MAT1A: variants seen among roughly 807,000 people sequenced by gnomAD.
MAT1A encodes the protein methionine adenosyltransferase 1A.
In MAT1A, 19 loss-of-function variants were observed where a neutral mutation model predicts 44.0. That is an observed-to-expected ratio of 0.43 (90% CI 0.30 to 0.63). MAT1A has a LOEUF of 0.63. MAT1A is among the 30% of genes least tolerant of loss of function. The pLI is 0.12. For synonymous variants in MAT1A, 205 were observed against 205.6 expected (o/e 1.00, Z 0.03); for missense variants, 397 against 531.0 (o/e 0.75, Z 2.48).
intron 5 of MAT1A, 41 bp downstream of exon 5, chr10:80,280,132 G>C (rs763875728): frequency 1.1e-5 from 18 of 1,610,764 alleles, no homozygotes; most frequent in South Asian, 3.3e-5. Context: ...GGGTATTAAA[G>C]CTTCTGTCTA....
intron 2 of MAT1A, 116 bp from the exon 3 acceptor site, chr10:80,284,154 A>G (rs2132708689): frequency 1.5e-6 from 2 of 1,349,832 alleles, no homozygotes; most frequent in South Asian, 2.5e-5. Context: ...CCTTACGAGG[A>G]ATGGATTCCA....
At chr10:80,273,944 C>T in intron 8 of MAT1A, 61 bp from the exon 9 acceptor site, 1 of 1,225,650 alleles carries the variant, frequency 8.2e-7, no homozygotes, top group Non-Finnish European at 1.2e-6. Flanking sequence ...GTTTCTTTCT[C>T]CATTTCAAGG....
Position 80,289,332 on chromosome 10 carries a change from C to G in MAT1A, c.91+1G>C. 6.2e-7 allele frequency: 1 copy of G among 1,613,586 alleles called. No homozygotes were observed. Among genetic ancestry groups the G allele is most frequent in the Non-Finnish European group, 8.5e-7 (1 of 1,179,464 alleles). On this transcript the variant is annotated splice_donor_variant, in intron 1 of 8. Coordinates refer to ENST00000372213, the MANE Select transcript of MAT1A (RefSeq NM_000429.3). LOFTEE classifies it high-confidence loss of function. ...CAGTCAGTCCAAGACAGCCTACTTACCCGGGTGTCCCTCTCCCACAGACTC... is the reference window on the plus strand; with the variant it reads ...CAGTCAGTCCAAGACAGCCTACTTAGCCGGGTGTCCCTCTCCCACAGACTC...
At chr10:80,280,075 A>C in intron 5 of MAT1A, 98 bp downstream of exon 5, 2 of 1,428,618 alleles carry the variant, frequency 1.4e-6, no homozygotes, top group Middle Eastern at 1.8e-4. Flanking sequence ...CCCAGATTGA[A>C]TATTTCGATC....
In MAT1A at chr10:80,280,708, T is replaced by G; in HGVS notation, c.377A>C (p.Asn126Thr). The change falls in exon 4 of 9, where the codon AAT becomes ACT. Residue 126 changes from asparagine to threonine, a missense_variant. By Grantham distance (65) the Asn-to-Thr change is moderately conservative (BLOSUM62 0). Coordinates refer to ENST00000372213, the MANE Select transcript of MAT1A (RefSeq NM_000429.3). ...ATCTCCTGCCCCCACATCCTCCTCA[T>G]TTCTGTCCAGATGGACGCACTGGGC... ...DIAQCVHLDR[N>T]EEDVGAGDQG... 6.2e-7 allele frequency: 1 copy of G among 1,614,150 alleles called. No homozygotes were observed. The highest frequency in any genetic ancestry group is 8.5e-7 in the Non-Finnish European group (1 of 1,180,000).
At chr10:80,278,526 G>A (rs1047976412) in intron 5 of MAT1A, among the ~76,000 whole-genome samples, 1 of 152,114 alleles carries the variant, frequency 6.6e-6, no homozygotes, top group Non-Finnish European at 1.5e-5. Flanking sequence ...CCTTTCTTTG[G>A]GTGCCATCAC....
intron 5 of MAT1A, among the ~76,000 whole-genome samples, chr10:80,277,707 A>G (rs1841510176): frequency 6.6e-6 from 1 of 152,114 alleles, no homozygotes; most frequent in Non-Finnish European, 1.5e-5. Context: ...GGCCGTCTCC[A>G]CTGCTCCCCT....
chr10:80,276,498 C>G lies in MAT1A; in HGVS notation c.646G>C (p.Glu216Gln), dbSNP rs1564646038. The stretch of plus-strand genomic sequence containing the variant: ...TCCTTCAGGGCCCTGCGCATCTCCT[C>G]CAGCGTGATGTCTTCGTTGTGCTGC... ...SVQHNEDITL[E>Q]EMRRALKEQV... is the part of the protein sequence containing the mutation. The change falls in exon 6 of 9, where the codon GAG becomes CAG. Residue 216 changes from glutamate to glutamine, a missense_variant. Coordinates refer to ENST00000372213, the MANE Select transcript of MAT1A (RefSeq NM_000429.3). 6.2e-7 allele frequency: 1 copy of G among 1,614,170 alleles called. No homozygotes were observed. Among genetic ancestry groups the G allele is most frequent in the East Asian group, 2.2e-5 (1 of 44,886 alleles).
chr10:80,275,213 G>T lies in MAT1A; in HGVS notation c.769-14C>A, dbSNP rs1348830030. On this transcript the variant is annotated splice_polypyrimidine_tract_variant and intron_variant, in intron 6 of 8. Coordinates refer to ENST00000372213, the MANE Select transcript of MAT1A (RefSeq NM_000429.3). ...ACCCGCATCCCCCTGCAGAGGGAGAGAAATCAAGATAAGAAGCAGAGCCAG... is the reference window on the plus strand; with the variant it reads ...ACCCGCATCCCCCTGCAGAGGGAGATAAATCAAGATAAGAAGCAGAGCCAG... 5 of 1,608,542 alleles carry T rather than the reference G, an allele frequency of 3.1e-6. No individual in the cohort carries two copies. Among genetic ancestry groups the T allele is most frequent in the Admixed American group, 3.3e-5 (2 of 59,838 alleles).
intron 5 of MAT1A, among the ~76,000 whole-genome samples, chr10:80,277,807 C>T (rs889292440): frequency 1.1e-4 from 16 of 152,290 alleles, no homozygotes; most frequent in South Asian, 2.1e-4. Context: ...CTGAACACGG[C>T]GCTTATCTCA....
chr10:80,282,513 T>C (rs1389618738), intron 3 of MAT1A, among the ~76,000 whole-genome samples: 1 of 152,198 alleles, frequency 6.6e-6, no homozygotes, highest in Non-Finnish European at 1.5e-5. Flanking sequence ...GTTTTGCACT[T>C]GAATAAGGTC....
At position 80,274,966 on chromosome 10, in the gene MAT1A, G is replaced by A. The variant is rs574522731; in HGVS notation, c.951+51C>T. The A allele has an allele frequency of 3.3e-6, 5 of 1,534,760 alleles. No individual in the cohort carries two copies. The South Asian group carries it at 3.6e-5, about 11-fold the overall frequency. ...ACATCCCCTCACTCAGGGCAGAACT[G>A]GGCAGGGGTCCTCCACTGCAACAGG... On this transcript the variant is annotated intron_variant, in intron 7 of 8. Coordinates refer to ENST00000372213, the MANE Select transcript of MAT1A (RefSeq NM_000429.3).
rs995542920 is a variant in MAT1A, at chr10:80,273,558, G to C, written c.*223C>G. 1.4e-5 allele frequency: 8 copies of C among 569,734 alleles called. No individual in the cohort carries two copies. In the East Asian group the frequency reaches 2.4e-4, roughly 17 times the overall value. 35.3% of individuals were successfully genotyped at this position (569,734 alleles called of 1,614,324 possible). A position where few individuals can be genotyped will look rare whatever the true frequency, so the allele number is the denominator to read the frequency against. ...TTGCCCCAGTCTGAGGGAGCAGCAG[G>C]AGAACACCATGCCCATCCTTACATC... On this transcript the variant is annotated 3_prime_UTR_variant, in exon 9 of 9. Coordinates refer to ENST00000372213, the MANE Select transcript of MAT1A (RefSeq NM_000429.3).
chr10:80,279,942 G>C (rs1434682771), intron 5 of MAT1A, among the ~76,000 whole-genome samples: 1 of 152,072 alleles, frequency 6.6e-6, no homozygotes, highest in African/African-American at 2.4e-5. Flanking sequence ...AAAAAAAACG[G>C]AACTATTCTT....
chr10:80,277,769 G>A (rs1841511277), intron 5 of MAT1A, among the ~76,000 whole-genome samples: 1 of 152,218 alleles, frequency 6.6e-6, no homozygotes. Flanking sequence ...TTGCAGAACT[G>A]CAGAATAGGG....
intron 3 of MAT1A, among the ~76,000 whole-genome samples, chr10:80,281,239 A>C (rs1317311043): frequency 6.6e-6 from 1 of 152,122 alleles, no homozygotes; most frequent in Non-Finnish European, 1.5e-5. Context: ...TGTCACTCAG[A>C]AGCCCAGCTG....
intron 6 of MAT1A, among the ~76,000 whole-genome samples, chr10:80,276,123 G>A (rs1841482322): frequency 6.6e-6 from 1 of 152,214 alleles, no homozygotes; most frequent in Non-Finnish European, 1.5e-5. Context: ...AGGAGTGGGA[G>A]GGCCCAGTGG....
rs749434412 is a variant in MAT1A at position 80,280,672 on chromosome 10, C to T, written c.405+8G>A. On this transcript the variant is annotated splice_region_variant and intron_variant, in intron 4 of 8. Coordinates refer to ENST00000372213, the MANE Select transcript of MAT1A (RefSeq NM_000429.3). ...AACACACAGCTCCCACATGCAGTGC[C>T]GAGCTACCTGATCTCCTGCCCCCAC... 8.7e-6 allele frequency: 14 copies of T among 1,606,120 alleles called. No homozygotes were observed. The highest frequency in any genetic ancestry group is 1.6e-4 in the Middle Eastern group (1 of 6,078).
chr10:80,276,239 CACCG>C, intron 6 of MAT1A, 133 bp downstream of exon 6: 1 of 872,430 alleles, frequency 1.1e-6, no homozygotes, highest in Non-Finnish European at 1.9e-6. Context: ...GGCCAAAATT[CACCG>C]ACTTTACATT....
Sources: allele counts gnomAD v4.1 joint callset (sites outside exome capture counted in the v4.1 genomes callset), GRCh38; gene constraint gnomAD v4.1.1; transcripts MANE v1.5; gene names NCBI Gene and HGNC (gene_info 2026-07-23, HGNC 2026-07-21).